The following VARS1 variants were observed in gnomAD, a reference collection of about 807,000 sequenced individuals.
VARS1 encodes the protein valine--tRNA ligase.
Under a neutral mutation model 161.0 loss-of-function variants are expected in VARS1, and 92 were observed. The ratio of observed to expected loss-of-function variants is 0.57; its 90% CI spans 0.48 to 0.68. VARS1 has a LOEUF of 0.68. Ranked by LOEUF, VARS1 falls within the 30% of genes least tolerant of loss-of-function variation. VARS1 has a pLI of 0.00. For missense variants in VARS1, 1,338 were observed against 1,695.9 expected, an observed-to-expected ratio of 0.79 and a Z score of 3.71; for synonymous variants, 595 against 682.5, an observed-to-expected ratio of 0.87 and a Z score of 2.00.
chr6:31,784,298 C>T lies in VARS1; in HGVS notation c.1587G>A (p.Glu529=). ...TCCGAGTTGTTGCCACCACCACCTC[C>T]TCGTCGCTATCTGGGGTGACAGAAG... ...AYKVQGSDSD[E]EVVVATTRIE... is the part of the protein sequence containing the mutation. Residue 529 remains glutamate, a synonymous_variant, in exon 13 of 30, where the codon GAG becomes GAA. Transcript: ENST00000375663. This position sits in a 1 kb window ranked among gnomAD's most constrained non-coding sequence, Gnocchi z 6.1. 6.2e-7 allele frequency: 1 copy of T among 1,614,220 alleles called. No homozygotes were observed. The highest frequency in any genetic ancestry group is 8.5e-7 in the Non-Finnish European group (1 of 1,180,048).
rs1812959005 is a variant in VARS1 at position 31,779,251 on chromosome 6, A to C, written c.3442T>G (p.Ser1148Ala). Residue 1148 changes from serine to alanine, a missense_variant, in exon 29 of 30, where the codon TCG becomes GCG. By Grantham distance (99) the Ser-to-Ala change is moderately conservative (BLOSUM62 1). This residue lies in a region of VARS1 where 433 missense variants were observed against 586.2 expected (regional missense o/e 0.74). Transcript: ENST00000375663. This position sits in a 1 kb window ranked among gnomAD's most constrained non-coding sequence, Gnocchi z 9.1. ...VADEATGALA[S>A]AVSGYVQALA... ...GCCTGCACGTAGCCCGACACCGCCG[A>C]TGCCAGGGCGCCCGTGGCCTCATCC... The C allele has an allele frequency of 1.2e-6, 2 of 1,604,974 alleles. No homozygotes were observed. Among genetic ancestry groups the C allele is most frequent in the African/African-American group, 2.7e-5 (2 of 75,056 alleles).
At position 31,780,914 on chromosome 6, in the gene VARS1, T is replaced by C. The variant is rs950006119; in HGVS notation, c.2674A>G (p.Ser892Gly). 3 of 1,614,054 alleles carry C rather than the reference T, an allele frequency of 1.9e-6. No individual in the cohort carries two copies. The African/African-American group carries it at 4.0e-5, about 22-fold the overall frequency. ...TCCACCTCGCTGGGATCCAGGTTGC[T>C]GTTCAGCAGCTGGTTGTGGAGGCCC... ...LQGLHNQLLN[S>G]NLDPSEVEKA... The change falls in exon 23 of 30, where the codon AGC (serine) becomes GGC (glycine). Residue 892 changes from serine to glycine, a missense_variant. Physicochemically the swap from Ser to Gly is moderately conservative, Grantham distance 56. Around this residue, in one of 3 missense-constraint regions of VARS1, gnomAD observed 433 missense variants for 586.2 expected, o/e 0.74. Coordinates refer to ENST00000375663, the MANE Select transcript of VARS1 (RefSeq NM_006295.3). The surrounding 1 kb of genome is among the most constrained non-coding windows in gnomAD (Gnocchi z 5.1).
In VARS1 at chr6:31,781,145, C is replaced by T. The variant is rs964912551; in HGVS notation, c.2545-22G>A. 37 of 1,611,258 alleles carry T rather than the reference C, an allele frequency of 2.3e-5. No homozygotes were observed. Among genetic ancestry groups the T allele is most frequent in the Non-Finnish European group, 3.1e-5 (36 of 1,179,424 alleles). The stretch of plus-strand genomic sequence containing the variant: ...AGACCTGCAGAGCAGGTGGGGAGGC[C>T]CATGAGACTCAGTCCTCTCCTTCCC... On this transcript the variant is annotated intron_variant, in intron 21 of 29. Coordinates refer to ENST00000375663, the MANE Select transcript of VARS1 (RefSeq NM_006295.3). This position sits in a 1 kb window ranked among gnomAD's most constrained non-coding sequence, Gnocchi z 6.8.
chr6:31,778,804 G>A lies in VARS1; in HGVS notation c.3726+163C>T. ...TTACAGGTGTGAGCCACTGAGCCAG[G>A]CTGTTTTGTTTTTTAAGGCTAGTGG... is the stretch of plus-strand genomic sequence containing the variant. On this transcript the variant is annotated intron_variant, in intron 29 of 29. Coordinates refer to ENST00000375663, the MANE Select transcript of VARS1 (RefSeq NM_006295.3). The surrounding 1 kb of genome is among the most constrained non-coding windows in gnomAD (Gnocchi z 5.1). 1 of 963,108 alleles carries A rather than the reference G, an allele frequency of 1.0e-6. No homozygotes were observed. Among genetic ancestry groups the A allele is most frequent in the Non-Finnish European group, 1.5e-6 (1 of 660,124 alleles). 59.7% of individuals were successfully genotyped at this position (963,108 alleles called of 1,614,324 possible).
chr6:31,783,129 A>C lies in VARS1; in HGVS notation c.1729T>G (p.Phe577Val), dbSNP rs1439498463. ...PFLSRSLPIV[F>V]DEFVDMDFGT... ...AAGTCCATGTCCACAAATTCATCGA[A>C]GACAATGGGAAGGCTCCGAGACAGG... Residue 577 changes from phenylalanine to valine, a missense_variant, in exon 14 of 30, where the codon TTC becomes GTC. Coordinates refer to ENST00000375663, the MANE Select transcript of VARS1 (RefSeq NM_006295.3). 2 of 1,612,734 alleles carry C rather than the reference A, an allele frequency of 1.2e-6. No homozygotes were observed. Among genetic ancestry groups the C allele is most frequent in the African/African-American group, 2.7e-5 (2 of 74,928 alleles).
rs1207590757 is a variant in VARS1 at position 31,779,707 on chromosome 6, G to A, written c.3189C>T (p.Phe1063=). 1.2e-6 allele frequency: 2 copies of A among 1,613,022 alleles called. No individual in the cohort carries two copies. Among genetic ancestry groups the A allele is most frequent in the African/African-American group, 1.3e-5 (1 of 75,018 alleles). Residue 1063 remains phenylalanine (F), a synonymous_variant, in exon 27 of 30, where the codon TTC becomes TTT. Transcript: ENST00000375663. This position sits in a 1 kb window ranked among gnomAD's most constrained non-coding sequence, Gnocchi z 9.1. ...LDVGLRLLSP[F]MPFVTEELFQ... ...ACAGCTCCTCCGTCACGAAGGGCAT[G>A]AAGGGTGAGAGCAGCCGCAGGCCAA... is the stretch of plus-strand genomic sequence containing the variant.
In VARS1 at chr6:31,777,685, G is replaced by T; in HGVS notation, c.3727-23C>A. 6.2e-7 allele frequency: 1 copy of T among 1,610,314 alleles called. No individual in the cohort carries two copies. Among genetic ancestry groups the T allele is most frequent in the Non-Finnish European group, 8.5e-7 (1 of 1,178,310 alleles). ...GAGCTGGAGTGGAACCAGGGGGTGG[G>T]TGAGGACCCAGGTCCAAGTGAAGAG... On this transcript the variant is annotated intron_variant, in intron 29 of 29. Transcript: ENST00000375663. This position sits in a 1 kb window ranked among gnomAD's most constrained non-coding sequence, Gnocchi z 5.8.
Position 31,781,316 on chromosome 6 carries a change from G to C in VARS1, c.2544+165C>G. 1 of 1,247,488 alleles carries C rather than the reference G, an allele frequency of 8.0e-7. No individual in the cohort carries two copies. The allele number at this position is 1,247,488 out of a possible 1,614,324, so 77.3% of individuals were successfully genotyped here. On this transcript the variant is annotated intron_variant, in intron 21 of 29. Coordinates refer to ENST00000375663, the MANE Select transcript of VARS1 (RefSeq NM_006295.3). This position sits in a 1 kb window ranked among gnomAD's most constrained non-coding sequence, Gnocchi z 6.8. ...TGGGAAGATGAAGCCCTGGGCACAGGAATCACTGAGCAGGGCCCAGGCTGG... is the reference window on the plus strand; with the variant it reads ...TGGGAAGATGAAGCCCTGGGCACAGCAATCACTGAGCAGGGCCCAGGCTGG...
Position 31,779,251 on chromosome 6 carries a change from A to G in VARS1, c.3442T>C (p.Ser1148Pro). The G allele has an allele frequency of 6.2e-7, 1 of 1,604,974 alleles. No individual in the cohort carries two copies. The highest frequency in any genetic ancestry group is 8.5e-7 in the Non-Finnish European group (1 of 1,179,592). The change falls in exon 29 of 30, where the codon TCG (serine) becomes CCG (proline). Residue 1148 changes from serine to proline, a missense_variant. This residue lies in a region of VARS1 where 433 missense variants were observed against 586.2 expected (regional missense o/e 0.74). Coordinates refer to ENST00000375663, the MANE Select transcript of VARS1 (RefSeq NM_006295.3). This position sits in a 1 kb window ranked among gnomAD's most constrained non-coding sequence, Gnocchi z 9.1. ...VADEATGALA[S>P]AVSGYVQALA... ...GCCTGCACGTAGCCCGACACCGCCGATGCCAGGGCGCCCGTGGCCTCATCC... is the reference window on the plus strand; with the variant it reads ...GCCTGCACGTAGCCCGACACCGCCGGTGCCAGGGCGCCCGTGGCCTCATCC...
At position 31,780,313 on chromosome 6, in the gene VARS1, T is replaced by G; in HGVS notation, c.2925+128A>C. 6.6e-7 allele frequency: 1 copy of G among 1,515,380 alleles called. No homozygotes were observed. Among genetic ancestry groups the G allele is most frequent in the Non-Finnish European group, 8.9e-7 (1 of 1,128,606 alleles). The allele number at this position is 1,515,380 out of a possible 1,614,324, so 93.9% of individuals were successfully genotyped here. Reference sequence around the variant, plus strand: ...AGAAGTGACAGGCCCCAGCCCCCAATGCGCTGGGCTTTCCCTTTAACTGTC... The same window carrying G: ...AGAAGTGACAGGCCCCAGCCCCCAAGGCGCTGGGCTTTCCCTTTAACTGTC... On this transcript the variant is annotated intron_variant, in intron 25 of 29. Transcript: ENST00000375663. The surrounding 1 kb of genome is among the most constrained non-coding windows in gnomAD (Gnocchi z 5.1).
Position 31,785,648 on chromosome 6 carries a change from GCTT to G in VARS1, c.1183_1185del (p.Lys395del). 1.9e-6 allele frequency: 3 copies of G among 1,612,986 alleles called. No individual in the cohort carries two copies. The highest frequency in any genetic ancestry group is 2.5e-6 in the Non-Finnish European group (3 of 1,180,022). On this transcript the variant is annotated inframe_deletion, in exon 9 of 30. Transcript: ENST00000375663. This position sits in a 1 kb window ranked among gnomAD's most constrained non-coding sequence, Gnocchi z 6.1. ...CGGCTCAGTCCCTGCTCACGCCATA[GCTT>G]CTTCTCCACCACCACCTGGGTGGCA...
chr6:31,782,063 A>G lies in VARS1; in HGVS notation c.2241+24T>C. The G allele has an allele frequency of 6.2e-7, 1 of 1,612,610 alleles. No individual in the cohort carries two copies. The highest frequency in any genetic ancestry group is 8.5e-7 in the Non-Finnish European group (1 of 1,179,190). On this transcript the variant is annotated intron_variant, in intron 18 of 29. Coordinates refer to ENST00000375663, the MANE Select transcript of VARS1 (RefSeq NM_006295.3). This position sits in a 1 kb window ranked among gnomAD's most constrained non-coding sequence, Gnocchi z 8.3. ...CACCACTCCAGCAGGGTGTCCCAGC[A>G]GCTAGCTCTGGCCCTCTGCTCACCT... is the stretch of plus-strand genomic sequence containing the variant.
rs1012769278 is a variant in VARS1, at chr6:31,791,837, C to T, written c.972+34G>A. ...TTCAGTCCTGCCCTTCCCCACCCCA[C>T]CCACTCTGGGCCTGGGCAGCAGTGC... On this transcript the variant is annotated intron_variant, in intron 7 of 29. Transcript: ENST00000375663. This position sits in a 1 kb window ranked among gnomAD's most constrained non-coding sequence, Gnocchi z 5.0. The T allele has an allele frequency of 2.5e-6, 4 of 1,612,080 alleles. No homozygotes were observed. Among genetic ancestry groups the T allele is most frequent in the Non-Finnish European group, 3.4e-6 (4 of 1,179,406 alleles).
In VARS1 at chr6:31,791,155, A is replaced by T. The variant is rs976303466; in HGVS notation, c.1100+455T>A. 6.6e-6 allele frequency among the ~76,000 whole-genome samples: 1 copy of T among 151,540 alleles called. No homozygotes were observed. Among genetic ancestry groups the T allele is most frequent in the Non-Finnish European group, 1.5e-5 (1 of 67,864 alleles). On this transcript the variant is annotated intron_variant, in intron 8 of 29. Coordinates refer to ENST00000375663, the MANE Select transcript of VARS1 (RefSeq NM_006295.3). This position sits in a 1 kb window ranked among gnomAD's most constrained non-coding sequence, Gnocchi z 5.0. ...AACAGAACAAGACTCTGTCCCCCCA[A>T]AAAAAAATATATATATTCATATGTT... is the stretch of plus-strand genomic sequence containing the variant.
In VARS1 at chr6:31,777,563, C is replaced by T; in HGVS notation, c.*31G>A. ...TTGCTGCCATCCCCATGGTGAGCCGCTGGGGGTGAGGGGTGAAGCTGGGTG... is the reference window on the plus strand; with the variant it reads ...TTGCTGCCATCCCCATGGTGAGCCGTTGGGGGTGAGGGGTGAAGCTGGGTG... On this transcript the variant is annotated 3_prime_UTR_variant, in exon 30 of 30. Transcript: ENST00000375663. The surrounding 1 kb of genome is among the most constrained non-coding windows in gnomAD (Gnocchi z 5.8). 6.2e-7 allele frequency: 1 copy of T among 1,612,930 alleles called. No homozygotes were observed. The highest frequency in any genetic ancestry group is 8.5e-7 in the Non-Finnish European group (1 of 1,178,990).
chr6:31,784,529 G>T lies in VARS1; in HGVS notation c.1468-27C>A, dbSNP rs370467492. 2.8e-4 allele frequency: 451 copies of T among 1,613,780 alleles called. 2 individuals are homozygous for T. The Middle Eastern group carries it at 4.5e-3, about 16-fold the overall frequency. Reference sequence around the variant, plus strand: ...TGTAAAATGGGTATTTAGAGGCGTGGCCCAGGGGCCAGGGCCAGGGCCAGG... The same window carrying T: ...TGTAAAATGGGTATTTAGAGGCGTGTCCCAGGGGCCAGGGCCAGGGCCAGG... On this transcript the variant is annotated intron_variant, in intron 11 of 29. Transcript: ENST00000375663. This position sits in a 1 kb window ranked among gnomAD's most constrained non-coding sequence, Gnocchi z 6.1.
rs748658161 is a variant in VARS1 at position 31,784,315 on chromosome 6, T to C, written c.1577-7A>G. ...ACCACCTCCTCGTCGCTATCTGGGG[T>C]GACAGAAGGCCTTGTGGTCTTGGCC... On this transcript the variant is annotated splice_region_variant and splice_polypyrimidine_tract_variant and intron_variant, in intron 12 of 29. Coordinates refer to ENST00000375663, the MANE Select transcript of VARS1 (RefSeq NM_006295.3). This position sits in a 1 kb window ranked among gnomAD's most constrained non-coding sequence, Gnocchi z 6.1. 1 of 1,614,104 alleles carries C rather than the reference T, an allele frequency of 6.2e-7. No individual in the cohort carries two copies. The highest frequency in any genetic ancestry group is 1.7e-5 in the Admixed American group (1 of 60,018).
At position 31,791,660 on chromosome 6, in the gene VARS1, C is replaced by G. The variant is rs1813875730; in HGVS notation, c.1050G>C (p.Leu350=). The G allele has an allele frequency of 6.2e-7, 1 of 1,612,926 alleles. No homozygotes were observed. The highest frequency in any genetic ancestry group is 8.5e-7 in the Non-Finnish European group (1 of 1,179,956). ...CIPPPNVTGS[L]HLGHALTNAI... is the part of the protein sequence containing the mutation. ...CGTTGGTGAGTGCATGGCCCAGGTGCAGGGAGCCTGTCACATTGGGGGGTG... is the reference window on the plus strand; with the variant it reads ...CGTTGGTGAGTGCATGGCCCAGGTGGAGGGAGCCTGTCACATTGGGGGGTG... Residue 350 remains leucine (L), a synonymous_variant, in exon 8 of 30, where the codon CTG becomes CTC. Transcript: ENST00000375663. This position sits in a 1 kb window ranked among gnomAD's most constrained non-coding sequence, Gnocchi z 5.0.
Position 31,779,067 on chromosome 6 carries a change from A to G in VARS1, c.3626T>C (p.Val1209Ala). 6.2e-7 allele frequency: 1 copy of G among 1,612,582 alleles called. No individual in the cohort carries two copies. The change falls in exon 29 of 30, where the codon GTT (valine) becomes GCT (alanine). Residue 1209 changes from valine to alanine, a missense_variant. Val to Ala is a moderately conservative substitution (Grantham distance 64). Transcript: ENST00000375663. The surrounding 1 kb of genome is among the most constrained non-coding windows in gnomAD (Gnocchi z 9.1). ...RELGKLQAKR[V>A]EAQRQAQRLR... ...ACGCTGGGCCTGCCGCTGGGCCTCAACTCGCTTGGCTTGCAGCTTGCCCAG... is the reference window on the plus strand; with the variant it reads ...ACGCTGGGCCTGCCGCTGGGCCTCAGCTCGCTTGGCTTGCAGCTTGCCCAG...
Sources: gnomAD v4.1 joint callset for allele counts (sites outside exome capture counted in the v4.1 genomes callset) on GRCh38, gnomAD v4.1.1 for gene constraint, gnomAD v4.1.1 regional missense constraint, Gnocchi (gnomAD v3.1) non-coding constraint, MANE v1.5 for transcripts, NCBI Gene and HGNC (gene_info 2026-07-23, HGNC 2026-07-21) for gene names.